The following KDM1B variants were observed in gnomAD, a reference collection of about 807,000 sequenced individuals.
The protein encoded by KDM1B is lysine-specific histone demethylase 2.
A neutral mutation model predicts 107.4 loss-of-function variants in KDM1B; 63 were observed. The ratio of observed to expected loss-of-function variants is 0.59; its 90% CI spans 0.48 to 0.72. KDM1B has a LOEUF of 0.72. KDM1B is among the 30% of genes least tolerant of loss of function. KDM1B has a pLI of 0.00. For missense variants in KDM1B, 749 were observed against 1,020.8 expected, an observed-to-expected ratio of 0.73 and a Z score of 3.63; for synonymous variants, 363 against 363.9, an observed-to-expected ratio of 1.00 and a Z score of 0.03.
At chr6:18,219,324 T>C (rs1472319602) in intron 21 of KDM1B, among the ~76,000 whole-genome samples, 2 of 152,240 alleles carry the variant, frequency 1.3e-5, no homozygotes, top group Admixed American at 6.5e-5. Flanking sequence ...TACTTCACTT[T>C]CTTATCTGCT....
At chr6:18,184,486 G>A (rs1786703367) in intron 7 of KDM1B, among the ~76,000 whole-genome samples, 1 of 151,604 alleles carries the variant, frequency 6.6e-6, no homozygotes, top group Non-Finnish European at 1.5e-5. Context: ...TGTTGGCCAG[G>A]CTGGTCTCGA....
intron 5 of KDM1B, among the ~76,000 whole-genome samples, chr6:18,165,620 C>T (rs778553821): frequency 3.3e-5 from 5 of 151,974 alleles, no homozygotes; most frequent in Admixed American, 3.3e-4. Flanking sequence ...GTTAGGAGTT[C>T]GGGACCAGCC....
At position 18,186,997 on chromosome 6, in the gene KDM1B, C is replaced by CACAT. The variant is rs1259287864; in HGVS notation, c.574-794_574-791dup. 8.7e-5 allele frequency among the ~76,000 whole-genome samples: 13 copies of CACAT among 149,370 alleles called. No homozygotes were observed. The highest frequency in any genetic ancestry group is 3.0e-4 in the African/African-American group (12 of 39,796). On this transcript the variant is annotated intron_variant, in intron 8 of 21. Coordinates refer to ENST00000650836, the MANE Select transcript of KDM1B (RefSeq NM_001364614.2). The surrounding 1 kb of genome is among the most constrained non-coding windows in gnomAD (Gnocchi z 5.6). The stretch of plus-strand genomic sequence containing the variant: ...GTACACACACACACACACACACACA[C>CACAT]ACATTTTTTTTCCAGGCTCCAGAAT...
intron 7 of KDM1B, among the ~76,000 whole-genome samples, chr6:18,181,078 G>A (rs991056330): frequency 9.2e-5 from 14 of 152,104 alleles, no homozygotes; most frequent in Admixed American, 2.0e-4. Context: ...TTGAAAACTC[G>A]AAGGTTTTCT....
At chr6:18,188,046 C>A in intron 9 of KDM1B, 44 bp downstream of exon 9, 3 of 1,502,628 alleles carry the variant, frequency 2.0e-6, no homozygotes, top group African/African-American at 1.4e-5. Flanking sequence ...TTCCCCGCTC[C>A]CCTCCCTGAG....
chr6:18,220,067 T>G (rs536522676), intron 21 of KDM1B, among the ~76,000 whole-genome samples: 6 of 152,186 alleles, frequency 3.9e-5, no homozygotes, highest in Non-Finnish European at 8.8e-5. Flanking sequence ...TCCTCATACT[T>G]CCAATGGCTG....
At chr6:18,156,783 G>A (rs1784637932) in intron 2 of KDM1B, among the ~76,000 whole-genome samples, 1 of 152,066 alleles carries the variant, frequency 6.6e-6, no homozygotes, top group Non-Finnish European at 1.5e-5. Flanking sequence ...CGGACGTGGT[G>A]GCACACACCT....
chr6:18,203,976 G>A lies in KDM1B; in HGVS notation c.1532-1561G>A, dbSNP rs1164209403. On this transcript the variant is annotated intron_variant, in intron 14 of 21. Coordinates refer to ENST00000650836, the MANE Select transcript of KDM1B (RefSeq NM_001364614.2). This position sits in a 1 kb window ranked among gnomAD's most constrained non-coding sequence, Gnocchi z 5.5. ...ACAGGAATGTAGAAACTGCACAGCA[G>A]GAAGCGGGGATGGGACTTCTACAAA... Among the ~76,000 whole-genome samples, 1 of 152,156 alleles carries A rather than the reference G, an allele frequency of 6.6e-6. No individual in the cohort carries two copies. Among genetic ancestry groups the A allele is most frequent in the Non-Finnish European group, 1.5e-5 (1 of 68,034 alleles).
chr6:18,204,828 A>T lies in KDM1B; in HGVS notation c.1532-709A>T, dbSNP rs560504216. 5.3e-5 allele frequency among the ~76,000 whole-genome samples: 8 copies of T among 152,276 alleles called. No homozygotes were observed. In the East Asian group the frequency reaches 1.5e-3, roughly 29 times the overall value. On this transcript the variant is annotated intron_variant, in intron 14 of 21. Transcript: ENST00000650836. The surrounding 1 kb of genome is among the most constrained non-coding windows in gnomAD (Gnocchi z 4.9). ...GTGGGAGAAGGCATTCCCATGAGGGAGAGTGGGAGGTCGCAGACCCTGCAG... is the reference window on the plus strand; with the variant it reads ...GTGGGAGAAGGCATTCCCATGAGGGTGAGTGGGAGGTCGCAGACCCTGCAG...
rs139581075 is a variant in KDM1B at position 18,204,712 on chromosome 6, ATAAG to A, written c.1532-820_1532-817del. 0.018 allele frequency among the ~76,000 whole-genome samples: 2,808 copies of A among 152,264 alleles called. 67 individuals are homozygous for A. Among genetic ancestry groups the A allele is most frequent in the African/African-American group, 0.064 (2,652 of 41,530 alleles). ...TACAAGGTCCGGTTGAGTGGGACAG[ATAAG>A]TAAGGGCTGGAGTTGATGACAGGGA... is the stretch of plus-strand genomic sequence containing the variant. On this transcript the variant is annotated intron_variant, in intron 14 of 21. Transcript: ENST00000650836. This position sits in a 1 kb window ranked among gnomAD's most constrained non-coding sequence, Gnocchi z 4.9.
At position 18,171,207 on chromosome 6, in the gene KDM1B, G is replaced by A. The variant is rs567607476; in HGVS notation, c.418-156G>A. On this transcript the variant is annotated intron_variant, in intron 6 of 21. Coordinates refer to ENST00000650836, the MANE Select transcript of KDM1B (RefSeq NM_001364614.2). Reference sequence around the variant, plus strand: ...ATTAAATCAGAAATTATCCTAATGGGGTGAAAGTGAATTATATGGATGATG... The same window carrying A: ...ATTAAATCAGAAATTATCCTAATGGAGTGAAAGTGAATTATATGGATGATG... Among the ~76,000 whole-genome samples, 20 of 152,266 alleles carry A rather than the reference G, an allele frequency of 1.3e-4. No homozygotes were observed. The South Asian group carries it at 3.9e-3, about 30-fold the overall frequency.
Position 18,197,195 on chromosome 6 carries a change from G to A in KDM1B, c.1108G>A (p.Gly370Arg), listed in dbSNP as rs1343439724. The change falls in exon 11 of 22, where the codon GGA becomes AGA. Residue 370 changes from glycine to arginine, a missense_variant. Transcript: ENST00000650836. This position sits in a 1 kb window ranked among gnomAD's most constrained non-coding sequence, Gnocchi z 4.5. The stretch of plus-strand genomic sequence containing the variant: ...CATCAACACTGGAGTTCTCAGCGTG[G>A]GAGCCGACCAGTATCTTCTCCCTAA... ...GLINTGVLSV[G>R]ADQYLLPKDY... 6.2e-7 allele frequency: 1 copy of A among 1,614,070 alleles called. No homozygotes were observed. The highest frequency in any genetic ancestry group is 2.2e-5 in the East Asian group (1 of 44,880).
At position 18,157,194 on chromosome 6, in the gene KDM1B, C is replaced by G. The variant is rs190444270; in HGVS notation, c.-14+1268C>G. On this transcript the variant is annotated intron_variant, in intron 2 of 21. Transcript: ENST00000650836. The stretch of plus-strand genomic sequence containing the variant: ...CATTTTAGTATACTAAAAATTTTTT[C>G]TTCATTTTAAGACCTAAGGACCCAG... Among the ~76,000 whole-genome samples, 7 of 152,112 alleles carry G rather than the reference C, an allele frequency of 4.6e-5. No homozygotes were observed. The East Asian group carries it at 1.2e-3, about 25-fold the overall frequency.
chr6:18,208,901 G>A (rs1262817556), intron 17 of KDM1B, among the ~76,000 whole-genome samples: 10 of 149,850 alleles, frequency 6.7e-5, no homozygotes, highest in African/African-American at 1.2e-4. Flanking sequence ...TGATCCGCCC[G>A]CCTCGGCCTC....
At chr6:18,160,804 CTT>C (rs200240519) in intron 3 of KDM1B, among the ~76,000 whole-genome samples, 3 of 133,330 alleles carry the variant, frequency 2.3e-5, no homozygotes, top group Non-Finnish European at 3.2e-5. Context: ...TGGGGAATGA[CTT>C]TTTTTTTTTT....
intron 9 of KDM1B, among the ~76,000 whole-genome samples, chr6:18,190,761 G>A (rs1012883317): frequency 1.5e-4 from 23 of 151,806 alleles, no homozygotes; most frequent in African/African-American, 5.3e-4. Flanking sequence ...TTAGCCAGAT[G>A]TGGTGGCGAG....
At chr6:18,180,940 C>G (rs532022584) in intron 7 of KDM1B, among the ~76,000 whole-genome samples, 1 of 152,308 alleles carries the variant, frequency 6.6e-6, no homozygotes, top group Non-Finnish European at 1.5e-5. Context: ...AATCTCACCT[C>G]TCTTTTACTT....
intron 6 of KDM1B, among the ~76,000 whole-genome samples, chr6:18,166,692 A>AT (rs111532983): frequency 4.7e-5 from 7 of 150,286 alleles, no homozygotes; most frequent in South Asian, 2.1e-4. Flanking sequence ...ACAAAAAAAA[A>AT]TTTTTTTTTT....
intron 20 of KDM1B, among the ~76,000 whole-genome samples, chr6:18,216,480 C>T (rs1194960236): frequency 6.6e-6 from 1 of 152,182 alleles, no homozygotes; most frequent in East Asian, 1.9e-4. Context: ...TTGTTTGGAA[C>T]TTAGCTTACC....
Sources: gnomAD v4.1 joint callset for allele counts (sites outside exome capture counted in the v4.1 genomes callset) on GRCh38, gnomAD v4.1.1 for gene constraint, Gnocchi (gnomAD v3.1) non-coding constraint, MANE v1.5 for transcripts, NCBI Gene and HGNC (gene_info 2026-07-23, HGNC 2026-07-21) for gene names.